Variants in LIN7A observed in about 807,000 individuals in gnomAD.
The protein encoded by LIN7A is protein lin-7 homolog A.
A neutral mutation model predicts 29.8 loss-of-function variants in LIN7A; 25 were observed. The observed-to-expected ratio is 0.84, with a 90% confidence interval of 0.61 to 1.17. The LOEUF (loss-of-function observed/expected upper bound fraction) is 1.17. Among genes scored for constraint, LIN7A ranks in the 50% most tolerant of loss-of-function variants. The pLI is 0.00. For missense variants in LIN7A, 239 were observed against 287.0 expected (o/e 0.83, Z 1.21); for synonymous variants, 118 against 107.5 (o/e 1.10, Z -0.60).
chr12:80,875,401 C>A (rs1027702387), intron 2 of LIN7A, among the ~76,000 whole-genome samples: 3 of 152,276 alleles, frequency 2.0e-5, no homozygotes, highest in Middle Eastern at 3.4e-3. Flanking sequence ...TTCCTTTTAA[C>A]CCTGTATACA....
At chr12:80,931,657 AT>A (rs200704699) in intron 1 of LIN7A, among the ~76,000 whole-genome samples, 7,161 of 147,010 alleles carry the variant, frequency 0.049, 207 homozygotes, top group Middle Eastern at 0.082. Context: ...AAAAAAAAAA[AT>A]GGAAAACTCC....
At chr12:80,807,081 T>TTTTTTTTTTTTTTTTTTTTTTTTTG (rs1871063991) in intron 5 of LIN7A, among the ~76,000 whole-genome samples, 1 of 135,582 alleles carries the variant, frequency 7.4e-6, no homozygotes, top group Non-Finnish European at 1.5e-5. Context: ...TTTTTTTTTT[T>TTTTTTTTTTTTTTTTTTTTTTTTTG]TTTTTTTTTT....
intron 1 of LIN7A, chr12:80,935,962 T>C (rs2120983604): frequency 4.4e-6 from 1 of 229,656 alleles, no homozygotes; most frequent in South Asian, 4.8e-5. Context: ...GTATATAAAA[T>C]GACCCAGGTA....
chr12:80,866,157 A>T (rs1022055392), intron 2 of LIN7A, among the ~76,000 whole-genome samples: 23 of 152,356 alleles, frequency 1.5e-4, no homozygotes, highest in African/African-American at 5.5e-4. Context: ...CAAAGACTAA[A>T]TTTAATAAAG....
chr12:80,849,571 T>C (rs1873230252), intron 2 of LIN7A, among the ~76,000 whole-genome samples: 1 of 152,156 alleles, frequency 6.6e-6, no homozygotes, highest in Non-Finnish European at 1.5e-5. Flanking sequence ...ATGTCCCTGC[T>C]GTGCTCTTGG....
intron 4 of LIN7A, among the ~76,000 whole-genome samples, chr12:80,837,817 A>G (rs1330203142): frequency 2.0e-5 from 3 of 151,700 alleles, no homozygotes; most frequent in Non-Finnish European, 2.9e-5. Flanking sequence ...ATTTATATGT[A>G]TGTATTTATC....
chr12:80,848,259 T>G lies in LIN7A; in HGVS notation c.265A>C (p.Thr89Pro). ...AGTTACTCAAGCCTTACCTTTGCTG[T>G]TGCCCTCGCACGGAATTCGGGACAG... ...NGCPEFRARA[T>P]AKATVAAFAA... is the part of the protein sequence containing the mutation. The change falls in exon 3 of 6, where the codon ACA becomes CCA. Residue 89 changes from threonine (T) to proline (P), a missense_variant. Physicochemically the swap from Thr to Pro is conservative, Grantham distance 38. Coordinates refer to ENST00000552864, the MANE Select transcript of LIN7A (RefSeq NM_004664.4). 6.2e-7 allele frequency: 1 copy of G among 1,612,858 alleles called. No homozygotes were observed. Among genetic ancestry groups the G allele is most frequent in the Non-Finnish European group, 8.5e-7 (1 of 1,178,966 alleles).
intron 4 of LIN7A, among the ~76,000 whole-genome samples, chr12:80,820,657 A>ACACACACACACACACC (rs1555222253): frequency 9.2e-5 from 14 of 151,768 alleles, no homozygotes; most frequent in Non-Finnish European, 1.6e-4. Flanking sequence ...ACACACACAC[A>ACACACACACACACACC]CCCATCTTCA....
intron 1 of LIN7A, among the ~76,000 whole-genome samples, chr12:80,912,951 A>G (rs1050127061): frequency 9.9e-5 from 15 of 152,204 alleles, no homozygotes; most frequent in Non-Finnish European, 2.2e-4. Flanking sequence ...TTCTTATTAA[A>G]AATGTTCAGA....
intron 1 of LIN7A, chr12:80,937,150 C>A (rs1447214671): frequency 1.3e-5 from 2 of 153,810 alleles, no homozygotes; most frequent in African/African-American, 4.8e-5. Flanking sequence ...CGCCGGGACT[C>A]CAGCAGTTGG....
chr12:80,797,018 G>A lies in LIN7A; in HGVS notation c.*709C>T, dbSNP rs1870480621. On this transcript the variant is annotated 3_prime_UTR_variant, in exon 6 of 6. Transcript: ENST00000552864. ...TACTCTGTTGGAATTAATAATAATA[G>A]ATACAAGCAATAATTAAAAACTACA... 1 of 151,924 alleles carries A rather than the reference G, an allele frequency of 6.6e-6. No individual in the cohort carries two copies. Among genetic ancestry groups the A allele is most frequent in the African/African-American group, 2.4e-5 (1 of 41,346 alleles). The allele number at this position is 151,924 out of a possible 1,614,324, so 9.4% of individuals were successfully genotyped here.
Position 80,824,175 on chromosome 12 carries a change from C to G in LIN7A, c.484-12492G>C, listed in dbSNP as rs1871946721. ...CAAATAAGCTTAATTAGAAATGAAA[C>G]AGGGGATATTACAACTGATACCACA... On this transcript the variant is annotated intron_variant, in intron 4 of 5. Coordinates refer to ENST00000552864, the MANE Select transcript of LIN7A (RefSeq NM_004664.4). Among the ~76,000 whole-genome samples the G allele has an allele frequency of 2.0e-5, 3 of 151,940 alleles. No individual in the cohort carries two copies. In the South Asian group the frequency reaches 6.2e-4, roughly 31 times the overall value.
chr12:80,804,716 T>TC (rs1375404923), intron 5 of LIN7A, among the ~76,000 whole-genome samples: 1 of 151,656 alleles, frequency 6.6e-6, no homozygotes, highest in Non-Finnish European at 1.5e-5. Context: ...TTTTTTTTTT[T>TC]CTTTTTTTTG....
At chr12:80,862,423 G>C (rs1042743036) in intron 2 of LIN7A, among the ~76,000 whole-genome samples, 5 of 152,160 alleles carry the variant, frequency 3.3e-5, no homozygotes, top group African/African-American at 1.2e-4. Flanking sequence ...ACTGTTTCTA[G>C]AGAAAATACA....
chr12:80,876,367 T>C (rs917075541), intron 2 of LIN7A, among the ~76,000 whole-genome samples: 6 of 152,156 alleles, frequency 3.9e-5, no homozygotes, highest in Non-Finnish European at 7.3e-5. Flanking sequence ...TTTCAGACAC[T>C]GGGGTAGGGA....
In LIN7A at chr12:80,805,293, G is replaced by C. The variant is rs11114623; in HGVS notation, c.*6172C>G. Among the ~76,000 whole-genome samples the C allele has an allele frequency of 3.9e-5, 6 of 151,996 alleles. 1 individual carries two copies. Among genetic ancestry groups the C allele is most frequent in the Admixed American group, 3.9e-4 (6 of 15,262 alleles). ...AACTTGGTTTTCTTAGTGACTAGGC[G>C]GATAGTTTTCGTAATAATTCCCTGG... On this transcript the variant is annotated intron_variant, in intron 5 of 5. Coordinates refer to ENST00000552864, the MANE Select transcript of LIN7A (RefSeq NM_004664.4).
At chr12:80,909,347 C>T (rs1876639175) in intron 1 of LIN7A, among the ~76,000 whole-genome samples, 1 of 152,152 alleles carries the variant, frequency 6.6e-6, no homozygotes, top group Non-Finnish European at 1.5e-5. Context: ...CCAAAAACCA[C>T]ACTATATCTT....
At chr12:80,913,514 T>C (rs954429287) in intron 1 of LIN7A, among the ~76,000 whole-genome samples, 1 of 152,144 alleles carries the variant, frequency 6.6e-6, no homozygotes, top group Non-Finnish European at 1.5e-5. Context: ...GATCTTGATG[T>C]GTTCGCAATG....
At chr12:80,844,556 A>T (rs1003699912) in intron 4 of LIN7A, among the ~76,000 whole-genome samples, 1 of 152,206 alleles carries the variant, frequency 6.6e-6, no homozygotes, top group African/African-American at 2.4e-5. Flanking sequence ...ACTGAAATCG[A>T]GTTTATATAT....
Sources: allele counts gnomAD v4.1 joint callset (sites outside exome capture counted in the v4.1 genomes callset), GRCh38; gene constraint gnomAD v4.1.1; transcripts MANE v1.5; gene names NCBI Gene and HGNC (gene_info 2026-07-23, HGNC 2026-07-21).